The following SLC7A14 variants were observed in gnomAD, a reference collection of about 807,000 sequenced individuals.
SLC7A14 encodes gamma-aminobutyric acid transporter SLC7A14.
In SLC7A14, 37 loss-of-function variants were observed where a neutral mutation model predicts 60.2. The ratio of observed to expected loss-of-function variants is 0.61; its 90% confidence interval spans 0.47 to 0.81. The LOEUF (loss-of-function observed/expected upper bound fraction) is 0.81, where lower values mean the gene tolerates loss of function less well. SLC7A14 is among the 30% of genes least tolerant of loss of function. The probability of loss-of-function intolerance (pLI) is 0.00; values close to 1 mark genes in which losing one functional copy is unlikely to be tolerated. For synonymous variants in SLC7A14, 399 were observed against 395.8 expected, an observed-to-expected ratio of 1.01 and a Z score of -0.10; for missense variants, 886 against 982.7, an observed-to-expected ratio of 0.90 and a Z score of 1.32.
chr3:170,475,056 A>G (rs1711569304), intron 7 of SLC7A14, among the ~76,000 whole-genome samples: 1 of 152,218 alleles, frequency 6.6e-6, no homozygotes, highest in Non-Finnish European at 1.5e-5. Context: ...ACAAAACTGC[A>G]TCAACTAAAA....
At chr3:170,487,430 A>G (rs547242832) in intron 4 of SLC7A14, among the ~76,000 whole-genome samples, 2 of 151,978 alleles carry the variant, frequency 1.3e-5, no homozygotes, top group East Asian at 3.9e-4. Context: ...TGAGGGAAAA[A>G]GAAGCAAGCC....
chr3:170,559,349 A>G (rs925959219), intron 1 of SLC7A14, among the ~76,000 whole-genome samples: 1 of 152,364 alleles, frequency 6.6e-6, no homozygotes, highest in East Asian at 1.9e-4. Flanking sequence ...TTTCAGAAAT[A>G]TAATGCTACC....
chr3:170,507,892 C>T (rs930979871), intron 2 of SLC7A14, among the ~76,000 whole-genome samples: 134 of 152,330 alleles, frequency 8.8e-4, no homozygotes, highest in African/African-American at 3.1e-3. Context: ...AGCCCCTCAC[C>T]CTCCTCTGTG....
chr3:170,481,586 G>A (rs1335833225), intron 6 of SLC7A14, among the ~76,000 whole-genome samples: 1 of 152,014 alleles, frequency 6.6e-6, no homozygotes, highest in Non-Finnish European at 1.5e-5. Flanking sequence ...ATTTTTAGTA[G>A]AGACAGAGTT....
At chr3:170,470,312 G>A (rs1237872534) in intron 7 of SLC7A14, among the ~76,000 whole-genome samples, 8 of 144,490 alleles carry the variant, frequency 5.5e-5, no homozygotes, top group African/African-American at 2.3e-4. Context: ...AGGAACATGT[G>A]TGTGTGTGTG....
intron 2 of SLC7A14, among the ~76,000 whole-genome samples, chr3:170,505,367 C>T (rs912524343): frequency 3.3e-5 from 5 of 152,200 alleles, no homozygotes; most frequent in Non-Finnish European, 7.3e-5. Flanking sequence ...TCCTAATGTA[C>T]GCATGCCCCA....
chr3:170,517,468 C>T lies in SLC7A14; in HGVS notation c.304+9165G>A, dbSNP rs190886395. 1.2e-4 allele frequency among the ~76,000 whole-genome samples: 18 copies of T among 152,274 alleles called. No individual in the cohort carries two copies. The East Asian group carries it at 3.1e-3, about 26-fold the overall frequency. ...GGAATGAATGACTAATCCTAGATCA[C>T]GGAGGAGTTGCAAAGGACCAACCCT... On this transcript the variant is annotated intron_variant, in intron 2 of 7. Coordinates refer to ENST00000231706, the MANE Select transcript of SLC7A14 (RefSeq NM_020949.3).
intron 2 of SLC7A14, among the ~76,000 whole-genome samples, chr3:170,519,724 C>A (rs1414998348): frequency 6.6e-6 from 1 of 152,140 alleles, no homozygotes; most frequent in Non-Finnish European, 1.5e-5. Context: ...TGCAGTGAGC[C>A]AAGATCGTGC....
chr3:170,582,645 A>G (rs1318859086), intron 1 of SLC7A14, among the ~76,000 whole-genome samples: 2 of 152,180 alleles, frequency 1.3e-5, no homozygotes, highest in African/African-American at 4.8e-5. Context: ...AGAAGGTTTG[A>G]AGCAGAATGT....
At chr3:170,578,907 T>C (rs779500225) in intron 1 of SLC7A14, among the ~76,000 whole-genome samples, 52 of 152,208 alleles carry the variant, frequency 3.4e-4, no homozygotes, top group Non-Finnish European at 1.3e-4. Flanking sequence ...CCTAAGTTCT[T>C]GCAACATGGA....
At position 170,585,652 on chromosome 3, in the gene SLC7A14, G is replaced by C. The variant is rs1360768744; in HGVS notation, c.-153+259C>G. ...CAGCTCCCGCGAGTCAGAGCCCGGTGCCCCCAGACCGCGGGCAGTCGGGGC... is the reference window on the plus strand; with the variant it reads ...CAGCTCCCGCGAGTCAGAGCCCGGTCCCCCCAGACCGCGGGCAGTCGGGGC... On this transcript the variant is annotated intron_variant, in intron 1 of 7. Coordinates refer to ENST00000231706, the MANE Select transcript of SLC7A14 (RefSeq NM_020949.3). The surrounding 1 kb of genome is among the most constrained non-coding windows in gnomAD (Gnocchi z 5.1). Among the ~76,000 whole-genome samples, 3 of 152,086 alleles carry C rather than the reference G, an allele frequency of 2.0e-5. No homozygotes were observed. Among genetic ancestry groups the C allele is most frequent in the African/African-American group, 7.2e-5 (3 of 41,434 alleles).
At position 170,505,731 on chromosome 3, in the gene SLC7A14, C is replaced by CA. The variant is rs1487447737; in HGVS notation, c.305-4387dup. Among the ~76,000 whole-genome samples, 4 of 151,908 alleles carry CA rather than the reference C, an allele frequency of 2.6e-5. No individual in the cohort carries two copies. In the East Asian group the frequency reaches 7.7e-4, roughly 29 times the overall value. On this transcript the variant is annotated intron_variant, in intron 2 of 7. Coordinates refer to ENST00000231706, the MANE Select transcript of SLC7A14 (RefSeq NM_020949.3). ...TGAAACACCGTCTCTACTAAAAATA[C>CA]AAAAAAATTAGCCAGGTGCAGTGGC...
rs190339555 is a variant in SLC7A14 at position 170,545,594 on chromosome 3, A to G, written c.-152-18506T>C. Among the ~76,000 whole-genome samples the G allele has an allele frequency of 2.2e-3, 336 of 152,224 alleles. 2 individuals carry two copies. Among genetic ancestry groups the G allele is most frequent in the African/African-American group, 7.5e-3 (310 of 41,540 alleles). On this transcript the variant is annotated intron_variant, in intron 1 of 7. Transcript: ENST00000231706. ...TACTCTTTGCTGTCTCTTTCTTCCT[A>G]TTATTTTTCCCTCCACCCTACCCTG...
intron 1 of SLC7A14, among the ~76,000 whole-genome samples, chr3:170,566,047 T>A (rs552351036): frequency 6.6e-6 from 1 of 152,244 alleles, no homozygotes; most frequent in African/African-American, 2.4e-5. Context: ...ACCATGGCAA[T>A]CATCTGTGGT....
intron 7 of SLC7A14, among the ~76,000 whole-genome samples, chr3:170,468,622 G>T (rs773545437): frequency 1.2e-4 from 19 of 152,156 alleles, no homozygotes; most frequent in Non-Finnish European, 2.2e-4. Context: ...ATCTTGAATA[G>T]ACTGTGAAGG....
At chr3:170,521,107 C>T (rs1045801609) in intron 2 of SLC7A14, among the ~76,000 whole-genome samples, 1 of 152,302 alleles carries the variant, frequency 6.6e-6, no homozygotes, top group East Asian at 1.9e-4. Context: ...GTAGATAAGA[C>T]CTTTTGGACA....
At chr3:170,545,329 C>T (rs949005453) in intron 1 of SLC7A14, among the ~76,000 whole-genome samples, 13 of 152,200 alleles carry the variant, frequency 8.5e-5, no homozygotes, top group African/African-American at 3.1e-4. Context: ...CTTGGCTCTT[C>T]ATCTCTTTCC....
chr3:170,492,459 C>G (rs963939633), intron 4 of SLC7A14, among the ~76,000 whole-genome samples: 2 of 152,006 alleles, frequency 1.3e-5, no homozygotes, highest in Admixed American at 1.3e-4. Flanking sequence ...GAGCTGTGAT[C>G]GCACCACTGC....
At chr3:170,495,807 T>C (rs574515211) in intron 4 of SLC7A14, 14 of 1,125,498 alleles carry the variant, frequency 1.2e-5, no homozygotes, top group Non-Finnish European at 1.9e-5. Flanking sequence ...GGAGACCAAG[T>C]GGAGCCTCCT....
Sources: gnomAD v4.1 joint callset for allele counts (sites outside exome capture counted in the v4.1 genomes callset) on GRCh38, gnomAD v4.1.1 for gene constraint, Gnocchi (gnomAD v3.1) non-coding constraint, MANE v1.5 for transcripts, NCBI Gene and HGNC (gene_info 2026-07-23, HGNC 2026-07-21) for gene names.